C5orf63: variants seen among roughly 807,000 people sequenced by gnomAD.
C5orf63 encodes chromosome 5 open reading frame 63, also known as glutaredoxin-like protein C5orf63.
In C5orf63, 18 loss-of-function variants were observed where a neutral mutation model predicts 13.3. The observed-to-expected ratio is 1.36, with a 90% CI of 0.94 to 2.01. The LOEUF (loss-of-function observed/expected upper bound fraction) is 2.01. Ranked by LOEUF, C5orf63 falls within the 30% of genes most tolerant of loss-of-function variation. C5orf63 has a pLI of 0.00. For synonymous variants in C5orf63, 38 were observed against 44.7 expected, an observed-to-expected ratio of 0.85 and a Z score of 0.60; for missense variants, 118 against 127.7, an observed-to-expected ratio of 0.92 and a Z score of 0.36.
chr5:127,045,427 C>T (rs959085419), exon 5 of C5orf63: 2 of 152,212 alleles, frequency 1.3e-5, no homozygotes, highest in South Asian at 4.1e-4. Flanking sequence ...CCTTTTGCTT[C>T]CATTGTCGAA....
At chr5:127,045,721 G>C (rs549078571) in exon 5 of C5orf63, 1 of 152,266 alleles carries the variant, frequency 6.6e-6, no homozygotes, top group Non-Finnish European at 1.5e-5. Context: ...ATTTGATACT[G>C]TCAGTTACTC....
chr5:127,053,383 C>T (rs75538351), intron 3 of C5orf63, among the ~76,000 whole-genome samples: 2,858 of 151,004 alleles, frequency 0.019, 54 homozygotes, highest in East Asian at 0.091. Flanking sequence ...TATTTTTTTC[C>T]CACTTTCTCC....
downstream of C5orf63, among the ~76,000 whole-genome samples, chr5:127,050,150 A>G (rs1036790040): frequency 3.9e-5 from 6 of 152,164 alleles, no homozygotes; most frequent in Non-Finnish European, 2.9e-5. Flanking sequence ...CTTTTGCCAT[A>G]TAATGTAACA....
At chr5:127,062,753 T>C (rs1754156307) in intron 2 of C5orf63, among the ~76,000 whole-genome samples, 2 of 152,306 alleles carry the variant, frequency 1.3e-5, no homozygotes, top group East Asian at 1.9e-4. Context: ...TCATTAGTTC[T>C]ATTATTTTTG....
chr5:127,054,067 A>G (rs1239229028), intron 3 of C5orf63, among the ~76,000 whole-genome samples: 1 of 152,182 alleles, frequency 6.6e-6, no homozygotes, highest in Non-Finnish European at 1.5e-5. Flanking sequence ...AGGATCTTAA[A>G]AGCAAAAAAA....
At chr5:127,056,335 T>G (rs926746625) in intron 3 of C5orf63, 6 of 152,332 alleles carry the variant, frequency 3.9e-5, no homozygotes, top group African/African-American at 1.4e-4. Context: ...GTTTTCATGC[T>G]GCTGATAAAT....
At chr5:127,060,341 T>C (rs1754053140) in intron 2 of C5orf63, among the ~76,000 whole-genome samples, 1 of 152,186 alleles carries the variant, frequency 6.6e-6, no homozygotes, top group Non-Finnish European at 1.5e-5. Flanking sequence ...AAGAACAGCT[T>C]GGTGATCGCA....
At chr5:127,064,990 T>C (rs779296423) in intron 2 of C5orf63, among the ~76,000 whole-genome samples, 34 of 151,506 alleles carry the variant, frequency 2.2e-4, no homozygotes, top group Non-Finnish European at 3.4e-4. Context: ...AGCCATTAAT[T>C]TTTTTTTTGT....
intron 2 of C5orf63, among the ~76,000 whole-genome samples, chr5:127,060,760 C>T (rs1026959216): frequency 3.3e-5 from 5 of 151,990 alleles, no homozygotes; most frequent in Non-Finnish European, 5.9e-5. Flanking sequence ...AGCTTCTCCT[C>T]ACTTGGCCTG....
At chr5:127,069,752 T>C (rs1754463995) in intron 2 of C5orf63, among the ~76,000 whole-genome samples, 1 of 152,230 alleles carries the variant, frequency 6.6e-6, no homozygotes, top group African/African-American at 2.4e-5. Context: ...TGTGGGATTC[T>C]ACAATCTTTT....
At chr5:127,053,217 T>C (rs1753750722) in intron 3 of C5orf63, among the ~76,000 whole-genome samples, 1 of 152,168 alleles carries the variant, frequency 6.6e-6, no homozygotes, top group Admixed American at 6.5e-5. Flanking sequence ...ACCGCCTGTT[T>C]TCTCATTACA....
intron 2 of C5orf63, among the ~76,000 whole-genome samples, chr5:127,062,289 T>C (rs1003323189): frequency 1.1e-4 from 16 of 152,236 alleles, no homozygotes; most frequent in African/African-American, 1.4e-4. Context: ...CTAGTTCTCT[T>C]TTCCACTGTT....
At chr5:127,073,353 G>A (rs985747531) in intron 1 of C5orf63, 98 bp downstream of exon 1, 6 of 152,268 alleles carry the variant, frequency 3.9e-5, no homozygotes, top group African/African-American at 1.2e-4. Context: ...ATCCAAATGG[G>A]CAGCACGCGG....
intron 3 of C5orf63, among the ~76,000 whole-genome samples, chr5:127,055,958 AC>A (rs1407977795): frequency 6.6e-6 from 1 of 152,176 alleles, no homozygotes. Flanking sequence ...AAAAAAAGAT[AC>A]CAGTGGAATG....
intron 3 of C5orf63, among the ~76,000 whole-genome samples, chr5:127,054,264 C>G (rs1452346747): frequency 6.6e-6 from 1 of 152,152 alleles, no homozygotes. Context: ...AATAGGATCA[C>G]TGGGTCAAAT....
chr5:127,045,908 C>A (rs1013780892), exon 5 of C5orf63: 1 of 152,232 alleles, frequency 6.6e-6, no homozygotes, highest in Non-Finnish European at 1.5e-5. Flanking sequence ...AAAGGCATCA[C>A]GTAATGTAAA....
intron 2 of C5orf63, among the ~76,000 whole-genome samples, chr5:127,061,516 A>T (rs1754105284): frequency 6.6e-6 from 1 of 152,244 alleles, no homozygotes; most frequent in Admixed American, 6.5e-5. Flanking sequence ...TTTTACAAGG[A>T]TCTGCTATCC....
intron 3 of C5orf63, among the ~76,000 whole-genome samples, chr5:127,056,927 T>C (rs1580528236): frequency 6.6e-6 from 1 of 152,232 alleles, no homozygotes; most frequent in South Asian, 2.1e-4. Context: ...GTGTGCCTAA[T>C]GGTACAGAAT....
chr5:127,062,659 C>G (rs1754152330), intron 2 of C5orf63, among the ~76,000 whole-genome samples: 1 of 152,122 alleles, frequency 6.6e-6, no homozygotes. Flanking sequence ...AACCCTAACA[C>G]CATTGCTGTC....
Sources: gnomAD v4.1 joint callset for allele counts (sites outside exome capture counted in the v4.1 genomes callset) on GRCh38, gnomAD v4.1.1 for gene constraint, MANE v1.5 for transcripts, NCBI Gene and HGNC (gene_info 2026-07-23, HGNC 2026-07-21) for gene names.